STPG2: variants seen among roughly 807,000 people sequenced by gnomAD.
The protein encoded by STPG2 is sperm tail PG-rich repeat containing 2.
In STPG2, 56 loss-of-function variants were observed where a neutral mutation model predicts 54.2. The ratio of observed to expected loss-of-function variants is 1.03; its 90% CI spans 0.83 to 1.29. STPG2 has a LOEUF of 1.29. Ranked by LOEUF, STPG2 falls within the 50% of genes most tolerant of loss-of-function variation. STPG2 has a pLI of 0.00. For missense variants in STPG2, 596 were observed against 544.9 expected, an observed-to-expected ratio of 1.09 and a Z score of -0.93; for synonymous variants, 200 against 181.8, an observed-to-expected ratio of 1.10 and a Z score of -0.81.
intron 8 of STPG2, among the ~76,000 whole-genome samples, chr4:97,940,433 C>A (rs1560600828): frequency 6.6e-6 from 1 of 152,176 alleles, no homozygotes; most frequent in Non-Finnish European, 1.5e-5. Context: ...TTCAGGGATG[C>A]CAGTGATTCA....
At chr4:97,473,399 T>A (rs140584310) in intron 4 of STPG2, among the ~76,000 whole-genome samples, 2,332 of 152,236 alleles carry the variant, frequency 0.015, 57 homozygotes, top group African/African-American at 0.054. Flanking sequence ...TGTGGCCGTC[T>A]TCTATGGTCG....
chr4:97,792,099 C>G (rs1012378840), intron 9 of STPG2, among the ~76,000 whole-genome samples: 4 of 152,126 alleles, frequency 2.6e-5, no homozygotes, highest in Non-Finnish European at 5.9e-5. Context: ...TGGAATGACT[C>G]TTTAAAGTGC....
intron 10 of STPG2, among the ~76,000 whole-genome samples, chr4:97,700,270 T>G (rs1723727549): frequency 6.6e-6 from 1 of 152,168 alleles, no homozygotes; most frequent in African/African-American, 2.4e-5. Context: ...GCTTGTACAG[T>G]AGCCTGGACC....
intron 10 of STPG2, among the ~76,000 whole-genome samples, chr4:97,657,414 G>T (rs925875244): frequency 2.6e-5 from 4 of 152,010 alleles, no homozygotes; most frequent in African/African-American, 9.7e-5. Flanking sequence ...CTTTATTTTG[G>T]TGAGTATAAG....
At chr4:97,821,165 G>A (rs1034446958) in intron 9 of STPG2, among the ~76,000 whole-genome samples, 2 of 152,166 alleles carry the variant, frequency 1.3e-5, no homozygotes, top group Admixed American at 6.5e-5. Context: ...TTCAGGAATT[G>A]AGAAAACATG....
intron 5 of STPG2, among the ~76,000 whole-genome samples, chr4:98,056,987 C>T (rs1218136350): frequency 6.6e-6 from 1 of 152,166 alleles, no homozygotes; most frequent in Non-Finnish European, 1.5e-5. Flanking sequence ...AGTTAAACCT[C>T]TTTTCTTCAT....
intron 4 of STPG2, among the ~76,000 whole-genome samples, chr4:97,453,269 C>G (rs1226648769): frequency 1.3e-5 from 2 of 152,214 alleles, no homozygotes; most frequent in African/African-American, 4.8e-5. Flanking sequence ...GAGCTGACAT[C>G]CATGTCGGCA....
intron 5 of STPG2, among the ~76,000 whole-genome samples, chr4:97,995,422 G>C (rs754406849): frequency 1.1e-4 from 16 of 151,844 alleles, no homozygotes; most frequent in Non-Finnish European, 2.4e-4. Flanking sequence ...ACACGGCTCT[G>C]TCTGTCCAAG....
chr4:97,912,146 C>T (rs990617468), intron 8 of STPG2, among the ~76,000 whole-genome samples: 21 of 151,372 alleles, frequency 1.4e-4, no homozygotes, highest in Non-Finnish European at 2.1e-4. Context: ...AAACACCCTA[C>T]AAAAAAAACA....
chr4:97,629,319 C>A (rs1217793023), intron 10 of STPG2, among the ~76,000 whole-genome samples: 1 of 152,016 alleles, frequency 6.6e-6, no homozygotes, highest in East Asian at 1.9e-4. Flanking sequence ...CATTTACAAT[C>A]AATGACTTTT....
At chr4:97,828,232 G>A (rs1728326331) in intron 9 of STPG2, among the ~76,000 whole-genome samples, 1 of 152,094 alleles carries the variant, frequency 6.6e-6, no homozygotes, top group South Asian at 2.1e-4. Context: ...TGCAGCCCAT[G>A]GATTGCGAGC....
intron 9 of STPG2, among the ~76,000 whole-genome samples, chr4:97,824,004 T>G (rs977781769): frequency 2.0e-5 from 3 of 152,166 alleles, no homozygotes; most frequent in African/African-American, 7.2e-5. Context: ...TTTGGCACTA[T>G]GGGATATTAA....
chr4:97,512,079 A>G (rs1474180130), intron 4 of STPG2, among the ~76,000 whole-genome samples: 1 of 152,112 alleles, frequency 6.6e-6, no homozygotes, highest in Admixed American at 6.6e-5. Context: ...GAAGTTAACA[A>G]GTCATATAAG....
At chr4:97,581,830 A>G (rs1732870092) in intron 10 of STPG2, among the ~76,000 whole-genome samples, 1 of 152,022 alleles carries the variant, frequency 6.6e-6, no homozygotes. Flanking sequence ...TAAAGTTCCA[A>G]AGAATTATAA....
intron 8 of STPG2, among the ~76,000 whole-genome samples, chr4:97,918,643 G>C (rs1731979403): frequency 6.6e-6 from 1 of 151,906 alleles, no homozygotes; most frequent in African/African-American, 2.4e-5. Flanking sequence ...CATAAAAAAG[G>C]AATGAAATAA....
intron 9 of STPG2, among the ~76,000 whole-genome samples, chr4:97,786,606 C>T (rs142981025): frequency 3.2e-3 from 488 of 152,176 alleles, no homozygotes; most frequent in Non-Finnish European, 5.1e-3. Context: ...ATACACTGTT[C>T]GGAGTAGGGT....
At chr4:98,043,666 T>C (rs921907527) in intron 5 of STPG2, among the ~76,000 whole-genome samples, 2 of 152,140 alleles carry the variant, frequency 1.3e-5, no homozygotes, top group African/African-American at 4.8e-5. Flanking sequence ...ATTAACATAC[T>C]TTAGTTATCA....
chr4:97,488,314 C>T (rs1228882376), intron 4 of STPG2, among the ~76,000 whole-genome samples: 3 of 151,748 alleles, frequency 2.0e-5, no homozygotes, highest in Admixed American at 6.6e-5. Flanking sequence ...GTTCTAAGCA[C>T]TTCAAATACA....
At chr4:98,109,327 A>C in intron 3 of STPG2, 22 bp from the exon 4 acceptor site, 3 of 1,538,518 alleles carry the variant, frequency 1.9e-6, no homozygotes, top group Non-Finnish European at 2.7e-6. Context: ...AAAGTTTTAA[A>C]AAGTGAGGAT....
Sources: gnomAD v4.1 joint callset for allele counts (sites outside exome capture counted in the v4.1 genomes callset) on GRCh38, gnomAD v4.1.1 for gene constraint, MANE v1.5 for transcripts, NCBI Gene and HGNC (gene_info 2026-07-23, HGNC 2026-07-21) for gene names.